The following EFHB variants were observed in gnomAD, a reference collection of about 807,000 sequenced individuals.
The protein encoded by EFHB is EF-hand domain-containing family member B.
EFHB carries 91 observed loss-of-function variants against 87.2 expected under a neutral mutation model. That is an observed-to-expected ratio of 1.04 (90% CI 0.88 to 1.24). The LOEUF (loss-of-function observed/expected upper bound fraction) is 1.24. Among genes scored for constraint, EFHB ranks in the 50% most tolerant of loss-of-function variants. The pLI is 0.00. For synonymous variants in EFHB, 325 were observed against 333.6 expected (o/e 0.97, Z 0.28); for missense variants, 1,084 against 998.8 (o/e 1.09, Z -1.15).
intron 5 of EFHB, among the ~76,000 whole-genome samples, chr3:19,906,262 G>T (rs1297992653): frequency 6.6e-6 from 1 of 152,206 alleles, no homozygotes; most frequent in African/African-American, 2.4e-5. Context: ...CCAGGAGGCG[G>T]AGGTTGTGGT....
Position 19,918,230 on chromosome 3 carries a change from A to G in EFHB, c.1177+2T>C. ...CCCACCCCTTATTTTTTTTTTTACT[A>G]CCTTTGATGACTGCTGTCCCAAATG... On this transcript the variant is annotated splice_donor_variant, in intron 4 of 12. Coordinates refer to ENST00000295824, the MANE Select transcript of EFHB (RefSeq NM_144715.4). LOFTEE classifies it high-confidence loss of function. 6.4e-7 allele frequency: 1 copy of G among 1,554,082 alleles called. No homozygotes were observed. The highest frequency in any genetic ancestry group is 8.6e-7 in the Non-Finnish European group (1 of 1,157,054).
rs1485918077 is a variant in EFHB at position 19,887,763 on chromosome 3, CATT to C, written c.1933+678_1933+680del. ...AAGGGTTGGACAAGCTTGATGTAAA[CATT>C]ATAACATTTGAATCAAAAGTAAAGA... On this transcript the variant is annotated intron_variant, in intron 10 of 12. Transcript: ENST00000295824. Among the ~76,000 whole-genome samples, 3 of 152,180 alleles carry C rather than the reference CATT, an allele frequency of 2.0e-5. No individual in the cohort carries two copies. In the East Asian group the frequency reaches 5.8e-4, roughly 29 times the overall value.
At chr3:19,929,954 C>A (rs1695773891) in intron 1 of EFHB, among the ~76,000 whole-genome samples, 1 of 152,130 alleles carries the variant, frequency 6.6e-6, no homozygotes, top group African/African-American at 2.4e-5. Flanking sequence ...CACTTTTTAG[C>A]TATATGACTT....
At chr3:19,914,952 C>T (rs1160739291) in intron 5 of EFHB, among the ~76,000 whole-genome samples, 2 of 151,724 alleles carry the variant, frequency 1.3e-5, no homozygotes, top group Non-Finnish European at 2.9e-5. Context: ...ATTAGCCAGG[C>T]GTGGTGGTGC....
rs527790508 is a variant in EFHB, at chr3:19,918,235, T to C, written c.1174A>G (p.Lys392Glu). The part of the protein sequence containing the change: ...TNTTFGTAVI[K>E]EYSAKDVVNP... ...CCCTTATTTTTTTTTTTACTACCTT[T>C]GATGACTGCTGTCCCAAATGTCGTA... Residue 392 changes from lysine to glutamate, a missense_variant, in exon 4 of 13, where the codon AAA becomes GAA. Transcript: ENST00000295824. 2 of 1,572,726 alleles carry C rather than the reference T, an allele frequency of 1.3e-6. No individual in the cohort carries two copies. The highest frequency in any genetic ancestry group is 1.7e-6 in the Non-Finnish European group (2 of 1,165,470).
At position 19,919,922 on chromosome 3, in the gene EFHB, C is replaced by A; in HGVS notation, c.907G>T (p.Gly303Ter). The A allele has an allele frequency of 6.2e-7, 1 of 1,613,728 alleles. No individual in the cohort carries two copies. ...KYFNFRYPPA[G>*]VERVFYGRAN... ...CTTCCGTAAAATACTCTTTCTACTCCAGCAGGTGGATATCTGAAGTTGAAA... is the reference window on the plus strand; with the variant it reads ...CTTCCGTAAAATACTCTTTCTACTCAAGCAGGTGGATATCTGAAGTTGAAA... Residue 303 changes from glycine to a stop codon, truncating the protein, a stop_gained, in exon 3 of 13, where the codon GGA becomes TGA. Coordinates refer to ENST00000295824, the MANE Select transcript of EFHB (RefSeq NM_144715.4). LOFTEE classifies it high-confidence loss of function.
intron 4 of EFHB, among the ~76,000 whole-genome samples, chr3:19,916,843 G>A (rs562046208): frequency 3.2e-4 from 48 of 152,142 alleles, no homozygotes; most frequent in African/African-American, 1.1e-3. Flanking sequence ...TTATATAAAC[G>A]AATAGTTAAG....
At chr3:19,886,213 T>G (rs1694093925) in intron 10 of EFHB, among the ~76,000 whole-genome samples, 1 of 152,100 alleles carries the variant, frequency 6.6e-6, no homozygotes, top group African/African-American at 2.4e-5. Context: ...TATAAAAAGC[T>G]TCATTAGGTA....
At chr3:19,882,048 T>C (rs1317005107) in intron 12 of EFHB, among the ~76,000 whole-genome samples, 1 of 94,040 alleles carries the variant, frequency 1.1e-5, no homozygotes, top group South Asian at 2.9e-4. Flanking sequence ...AATAAATAAA[T>C]AAATAAATAA....
intron 10 of EFHB, among the ~76,000 whole-genome samples, chr3:19,886,838 A>G (rs190142102): frequency 1.5e-3 from 228 of 152,302 alleles, no homozygotes; most frequent in African/African-American, 5.3e-3. Flanking sequence ...CAAATCAGTA[A>G]AATCATTTAG....
upstream of EFHB, among the ~76,000 whole-genome samples, chr3:19,937,667 T>C (rs942979709): frequency 1.6e-4 from 24 of 152,166 alleles, no homozygotes; most frequent in Non-Finnish European, 3.2e-4. Flanking sequence ...AAACTTTTCA[T>C]GGCTGGTAAA....
At chr3:19,935,942 G>A (rs538274930), upstream of EFHB, among the ~76,000 whole-genome samples, 259 of 147,612 alleles carry the variant, frequency 1.8e-3, no homozygotes, top group Middle Eastern at 7.1e-3. Context: ...CCTGGGAGGC[G>A]GAGGTTGCAG....
chr3:19,937,112 T>C (rs1696042920), upstream of EFHB, among the ~76,000 whole-genome samples: 1 of 151,796 alleles, frequency 6.6e-6, no homozygotes, highest in South Asian at 2.1e-4. Context: ...GAGGTTGCAG[T>C]GAGCCGAGAT....
upstream of EFHB, among the ~76,000 whole-genome samples, chr3:19,937,742 T>G (rs1321530949): frequency 6.6e-6 from 1 of 152,128 alleles, no homozygotes; most frequent in Non-Finnish European, 1.5e-5. Flanking sequence ...ACCTTATCAC[T>G]TCTCTCTCTC....
intron 1 of EFHB, among the ~76,000 whole-genome samples, chr3:19,923,658 A>G (rs1367335994): frequency 6.6e-6 from 1 of 152,130 alleles, no homozygotes; most frequent in Non-Finnish European, 1.5e-5. Context: ...TACAGGCATG[A>G]GCCACCACGC....
chr3:19,933,614 TC>T lies in EFHB; in HGVS notation c.404del (p.Gly135GlufsTer20). On this transcript the variant is annotated frameshift_variant, in exon 1 of 13. Coordinates refer to ENST00000295824, the MANE Select transcript of EFHB (RefSeq NM_144715.4). LOFTEE classifies it high-confidence loss of function. ...TCCTGCTCCCTGCAGCCTGTGAACTTCCACACACCCTGCCCAAAGGAGGCTG... is the reference window on the plus strand; with the variant it reads ...TCCTGCTCCCTGCAGCCTGTGAACTTCACACACCCTGCCCAAAGGAGGCTG... Reference protein sequence around the residue: ...IIQPPLGRVCGSSQAAGSRRA... With the variant: ...IIQPPLGRVCXSSQAAGSRRA... 1 of 1,613,992 alleles carries T rather than the reference TC, an allele frequency of 6.2e-7. No individual in the cohort carries two copies. Among genetic ancestry groups the T allele is most frequent in the African/African-American group, 1.3e-5 (1 of 75,048 alleles).
rs755924186 is a variant in EFHB at position 19,896,845 on chromosome 3, T to C, written c.1571-4A>G. On this transcript the variant is annotated splice_polypyrimidine_tract_variant and splice_region_variant and intron_variant, in intron 8 of 12. Transcript: ENST00000295824. ...TTATGGATGAGATCACCAACTCCTA[T>C]TGAAGAGAGAAAAAACTTTTTACAT... is the stretch of plus-strand genomic sequence containing the variant. The C allele has an allele frequency of 1.3e-5, 20 of 1,593,906 alleles. No homozygotes were observed. Among genetic ancestry groups the C allele is most frequent in the Middle Eastern group, 1.7e-4 (1 of 5,988 alleles).
intron 1 of EFHB, chr3:19,940,741 C>A: frequency 2.9e-6 from 1 of 340,752 alleles, no homozygotes; most frequent in Non-Finnish European, 5.9e-6. Flanking sequence ...CCATTGGCAT[C>A]AATATCAAAT....
Position 19,933,466 on chromosome 3 carries a change from C to CCACAGA in EFHB, c.552_553insTCTGTG (p.Thr184_Glu185insSerVal). On this transcript the variant is annotated inframe_insertion, in exon 1 of 13. Coordinates refer to ENST00000295824, the MANE Select transcript of EFHB (RefSeq NM_144715.4). ...TCCACCTCCACAGGAAGCTTAATCT[C>CCACAGA]TGTGTTGGGTTTCATTAAAACACAG... 6.2e-7 allele frequency: 1 copy of CCACAGA among 1,614,016 alleles called. No homozygotes were observed. The highest frequency in any genetic ancestry group is 8.5e-7 in the Non-Finnish European group (1 of 1,179,894).
Sources: gnomAD v4.1 joint callset for allele counts (sites outside exome capture counted in the v4.1 genomes callset) on GRCh38, gnomAD v4.1.1 for gene constraint, MANE v1.5 for transcripts, NCBI Gene and HGNC (gene_info 2026-07-23, HGNC 2026-07-21) for gene names.